Variants in EFNA5 observed in about 807,000 individuals in gnomAD.
EFNA5 encodes ephrin A5, also known as ephrin-A5.
Under a neutral mutation model 22.9 loss-of-function variants are expected in EFNA5, and 5 were observed. That is an observed-to-expected ratio of 0.22 (90% CI 0.11 to 0.46). The LOEUF (loss-of-function observed/expected upper bound fraction) is 0.46, where lower values mean the gene tolerates loss of function less well. Ranked by LOEUF, EFNA5 falls within the 20% of genes least tolerant of loss-of-function variation. The pLI is 0.99. For missense variants in EFNA5, 237 were observed against 293.3 expected (o/e 0.81, Z 1.40); for synonymous variants, 113 against 112.2 (o/e 1.01, Z -0.04).
At chr5:107,575,784 G>A (rs1416323077) in intron 1 of EFNA5, among the ~76,000 whole-genome samples, 1 of 152,006 alleles carries the variant, frequency 6.6e-6, no homozygotes, top group African/African-American at 2.4e-5. Context: ...AGATTATAAA[G>A]AAAAAAGACA....
intron 1 of EFNA5, among the ~76,000 whole-genome samples, chr5:107,554,681 T>C (rs1422479357): frequency 6.6e-6 from 1 of 152,190 alleles, no homozygotes; most frequent in East Asian, 1.9e-4. Context: ...AATCCTTTGA[T>C]TATACCTAAC....
At chr5:107,546,280 C>G (rs574356467) in intron 1 of EFNA5, among the ~76,000 whole-genome samples, 118 of 152,294 alleles carry the variant, frequency 7.7e-4, no homozygotes, top group African/African-American at 2.4e-3. Context: ...ACAAATCAAT[C>G]TGGTCATCTC....
chr5:107,513,580 T>G (rs1285197709), intron 1 of EFNA5, among the ~76,000 whole-genome samples: 1 of 152,188 alleles, frequency 6.6e-6, no homozygotes, highest in East Asian at 1.9e-4. Flanking sequence ...CATGGTATTC[T>G]AAAAATAGGA....
Position 107,422,267 on chromosome 5 carries a change from G to A in EFNA5, c.418+4950C>T, listed in dbSNP as rs372875800. 1.9e-4 allele frequency among the ~76,000 whole-genome samples: 29 copies of A among 152,280 alleles called. No homozygotes were observed. The East Asian group carries it at 4.8e-3, about 25-fold the overall frequency. The stretch of plus-strand genomic sequence containing the variant: ...AGATGGCGCCTGGAACACAGTACAT[G>A]CTATATAAATTCTAGTTATCCTTAC... On this transcript the variant is annotated intron_variant, in intron 2 of 4. Coordinates refer to ENST00000333274, the MANE Select transcript of EFNA5 (RefSeq NM_001962.3).
intron 4 of EFNA5, among the ~76,000 whole-genome samples, chr5:107,384,652 C>A (rs1311663046): frequency 6.6e-6 from 1 of 151,962 alleles, no homozygotes; most frequent in Non-Finnish European, 1.5e-5. Flanking sequence ...TGCTCTGTCA[C>A]CCAGGATGGA....
chr5:107,645,732 G>T (rs1174370412), intron 1 of EFNA5, among the ~76,000 whole-genome samples: 1 of 152,178 alleles, frequency 6.6e-6, no homozygotes, highest in Non-Finnish European at 1.5e-5. Context: ...CATGTTTAAA[G>T]ATGCAACTCT....
At chr5:107,447,829 C>A (rs1749435831) in intron 1 of EFNA5, among the ~76,000 whole-genome samples, 1 of 151,470 alleles carries the variant, frequency 6.6e-6, no homozygotes, top group Non-Finnish European at 1.5e-5. Context: ...CAATTAAGAA[C>A]AAGGGATTTT....
intron 1 of EFNA5, among the ~76,000 whole-genome samples, chr5:107,601,508 ATAATT>A (rs1302275566): frequency 1.3e-5 from 2 of 152,228 alleles, no homozygotes; most frequent in Admixed American, 6.5e-5. Context: ...GGAAATCTAT[ATAATT>A]TAATCTTAAG....
chr5:107,448,347 T>C (rs957106730), intron 1 of EFNA5, among the ~76,000 whole-genome samples: 4 of 152,200 alleles, frequency 2.6e-5, no homozygotes, highest in Non-Finnish European at 5.9e-5. Flanking sequence ...CGACTATTTG[T>C]AGAGGCCCTA....
At chr5:107,480,285 T>A (rs1192081414) in intron 1 of EFNA5, among the ~76,000 whole-genome samples, 2 of 152,238 alleles carry the variant, frequency 1.3e-5, no homozygotes, top group Non-Finnish European at 2.9e-5. Context: ...TACACTTTTA[T>A]CCACTCAATA....
chr5:107,529,940 G>A (rs184527141), intron 1 of EFNA5, among the ~76,000 whole-genome samples: 11 of 152,284 alleles, frequency 7.2e-5, no homozygotes, highest in African/African-American at 2.4e-4. Context: ...ATCTATACAT[G>A]TCATTGCCTT....
At chr5:107,644,511 T>C (rs1162325063) in intron 1 of EFNA5, among the ~76,000 whole-genome samples, 1 of 152,190 alleles carries the variant, frequency 6.6e-6, no homozygotes, top group Non-Finnish European at 1.5e-5. Context: ...AAATAGAAAC[T>C]TGTATATTTT....
At chr5:107,438,557 C>G (rs1221302698) in intron 1 of EFNA5, among the ~76,000 whole-genome samples, 1 of 152,106 alleles carries the variant, frequency 6.6e-6, no homozygotes, top group Non-Finnish European at 1.5e-5. Context: ...GGGGTTTGCT[C>G]CAGTTAGCAG....
At chr5:107,543,086 A>C (rs1333133969) in intron 1 of EFNA5, among the ~76,000 whole-genome samples, 1 of 152,226 alleles carries the variant, frequency 6.6e-6, no homozygotes, top group Non-Finnish European at 1.5e-5. Context: ...TGTTCCCAAG[A>C]AATGGAAGAG....
intron 1 of EFNA5, among the ~76,000 whole-genome samples, chr5:107,598,071 G>C (rs1366646310): frequency 6.6e-6 from 1 of 152,082 alleles, no homozygotes; most frequent in Non-Finnish European, 1.5e-5. Flanking sequence ...AGTCTTCAAA[G>C]ATAATAGAAA....
intron 1 of EFNA5, among the ~76,000 whole-genome samples, chr5:107,566,751 A>C (rs1748674469): frequency 6.6e-6 from 1 of 152,212 alleles, no homozygotes; most frequent in Non-Finnish European, 1.5e-5. Flanking sequence ...TGCCTGCGAT[A>C]CCATTTGGGT....
At chr5:107,665,848 G>T (rs375256231) in intron 1 of EFNA5, among the ~76,000 whole-genome samples, 1 of 151,960 alleles carries the variant, frequency 6.6e-6, no homozygotes, top group African/African-American at 2.4e-5. Flanking sequence ...GTCAATTCAC[G>T]TCTCTTATAA....
At chr5:107,599,877 G>T (rs552791218) in intron 1 of EFNA5, among the ~76,000 whole-genome samples, 48 of 152,324 alleles carry the variant, frequency 3.2e-4, no homozygotes, top group African/African-American at 1.1e-3. Context: ...ACACACAATG[G>T]CAGCTGCCTT....
chr5:107,610,089 A>G (rs775077702), intron 1 of EFNA5, among the ~76,000 whole-genome samples: 1 of 152,174 alleles, frequency 6.6e-6, no homozygotes, highest in Non-Finnish European at 1.5e-5. Flanking sequence ...ATTCTCTTCT[A>G]TTATTTCCGT....
Sources: allele counts gnomAD v4.1 joint callset (sites outside exome capture counted in the v4.1 genomes callset), GRCh38; gene constraint gnomAD v4.1.1; transcripts MANE v1.5; gene names NCBI Gene and HGNC (gene_info 2026-07-23, HGNC 2026-07-21).